Variants in CPT1A observed in about 807,000 individuals in gnomAD.
The protein encoded by CPT1A is carnitine palmitoyltransferase 1A.
CPT1A carries 64 observed loss-of-function variants against 100.8 expected under a neutral mutation model. The ratio of observed to expected loss-of-function variants is 0.63; its 90% CI spans 0.52 to 0.78. CPT1A has a LOEUF of 0.78. CPT1A is among the 30% of genes least tolerant of loss of function. The pLI is 0.00. For synonymous variants in CPT1A, 363 were observed against 396.0 expected (o/e 0.92, Z 0.99); for missense variants, 802 against 1,034.1 (o/e 0.78, Z 3.08).
intron 9 of CPT1A, 118 bp downstream of exon 9, chr11:68,793,197 C>T (rs1486784122): frequency 9.0e-6 from 6 of 669,552 alleles, no homozygotes; most frequent in Admixed American, 2.8e-5. Flanking sequence ...TGTTCACCAG[C>T]CTACAATCTC....
chr11:68,815,278 C>T (rs1856352292), intron 2 of CPT1A, 56 bp downstream of exon 2: 2 of 1,573,458 alleles, frequency 1.3e-6, no homozygotes, highest in African/African-American at 1.3e-5. Flanking sequence ...CAGCCAGAGC[C>T]CCGTTCTTAG....
At chr11:68,813,311 A>G (rs1856272595) in intron 2 of CPT1A, among the ~76,000 whole-genome samples, 1 of 152,052 alleles carries the variant, frequency 6.6e-6, no homozygotes, top group Non-Finnish European at 1.5e-5. Flanking sequence ...CAGGCCGATC[A>G]CTTGAGGTAA....
intron 18 of CPT1A, among the ~76,000 whole-genome samples, chr11:68,757,936 G>A (rs1946723894): frequency 6.6e-6 from 1 of 152,156 alleles, no homozygotes; most frequent in Admixed American, 6.5e-5. Flanking sequence ...GTTTGTGCGG[G>A]TGTGTTGTCG....
At chr11:68,796,813 C>G in intron 7 of CPT1A, 43 bp downstream of exon 7, 2 of 1,596,278 alleles carry the variant, frequency 1.3e-6, no homozygotes, top group South Asian at 1.1e-5. Flanking sequence ...GACCCGCCGC[C>G]CCACCGTCCT....
intron 14 of CPT1A, among the ~76,000 whole-genome samples, chr11:68,765,474 G>A (rs751723626): frequency 7.2e-5 from 11 of 152,106 alleles, no homozygotes; most frequent in African/African-American, 1.7e-4. Context: ...ATGGCCCTTC[G>A]CTGCCACCAA....
At chr11:68,772,337 G>C (rs1210437157) in intron 14 of CPT1A, among the ~76,000 whole-genome samples, 1 of 152,162 alleles carries the variant, frequency 6.6e-6, no homozygotes, top group East Asian at 1.9e-4. Context: ...TGGGTAACAA[G>C]AGTGAGATTC....
rs143062012 is a variant in CPT1A, at chr11:68,761,853, C to T, written c.1876-166G>A. Among the ~76,000 whole-genome samples, 408 of 152,238 alleles carry T rather than the reference C, an allele frequency of 2.7e-3. 3 individuals are homozygous for T. The highest frequency in any genetic ancestry group is 9.2e-3 in the African/African-American group (383 of 41,536). On this transcript the variant is annotated intron_variant, in intron 15 of 18. Coordinates refer to ENST00000265641, the MANE Select transcript of CPT1A (RefSeq NM_001876.4). The stretch of plus-strand genomic sequence containing the variant: ...TTCGAACTCCTGAGCTCAGGCAATC[C>T]GCCCACCTCATCCTCCCAAAGTACT...
At chr11:68,785,776 T>G in intron 9 of CPT1A, 1 of 536,772 alleles carries the variant, frequency 1.9e-6, no homozygotes, top group Non-Finnish European at 3.3e-6. Flanking sequence ...TTAATGACAA[T>G]AGGGCAACTT....
intron 5 of CPT1A, among the ~76,000 whole-genome samples, chr11:68,802,896 C>CAAAAAAA (rs901808584): frequency 1.3e-3 from 56 of 44,780 alleles, no homozygotes; most frequent in East Asian, 3.2e-3. Context: ...GACCCTGTCT[C>CAAAAAAA]AAAAAAAAAA....
chr11:68,833,837 A>G (rs1292752264), intron 1 of CPT1A, among the ~76,000 whole-genome samples: 2 of 152,162 alleles, frequency 1.3e-5, no homozygotes, highest in Non-Finnish European at 2.9e-5. Flanking sequence ...TTTCATGTAC[A>G]AGAAAGGTGA....
Position 68,759,566 on chromosome 11 carries a change from T to C in CPT1A, c.2235+3A>G. The C allele has an allele frequency of 1.3e-6, 2 of 1,595,418 alleles. No individual in the cohort carries two copies. The highest frequency in any genetic ancestry group is 1.7e-6 in the Non-Finnish European group (2 of 1,163,070). On this transcript the variant is annotated splice_donor_region_variant and intron_variant, in intron 18 of 18. Transcript: ENST00000265641. The stretch of plus-strand genomic sequence containing the variant: ...AGAAAAAGGAACTTCTTTTCATACA[T>C]ACCGTCTCAGGGCAAGAGAACTTGG...
intron 1 of CPT1A, among the ~76,000 whole-genome samples, chr11:68,816,058 A>G (rs1210929697): frequency 6.6e-6 from 1 of 152,212 alleles, no homozygotes; most frequent in African/African-American, 2.4e-5. Flanking sequence ...GGCCACACCT[A>G]CTGACGTAAA....
Position 68,761,682 on chromosome 11 carries a change from T to A in CPT1A, c.1881A>T (p.Glu627Asp). Residue 627 changes from glutamate (E) to aspartate (D), a missense_variant, in exon 16 of 19, where the codon GAA becomes GAT. Around this residue, in one of 4 missense-constraint regions of CPT1A, gnomAD observed 627 missense variants for 799.3 expected, o/e 0.78. Transcript: ENST00000265641. Reference protein sequence around the residue: ...RAMVDPAQTVEQRLKLFKLAS... With the variant: ...RAMVDPAQTVDQRLKLFKLAS... ...CCAACTTGAACAACTTCAGCCTCTG[T>A]TCCACCTGAGTGACAAAAGGTGGGA... 1 of 1,614,208 alleles carries A rather than the reference T, an allele frequency of 6.2e-7. No homozygotes were observed. The highest frequency in any genetic ancestry group is 1.7e-5 in the Admixed American group (1 of 60,026).
In CPT1A at chr11:68,757,587, T is replaced by C. The variant is rs1470535704; in HGVS notation, c.*57A>G. 6.2e-7 allele frequency: 1 copy of C among 1,613,496 alleles called. No individual in the cohort carries two copies. The highest frequency in any genetic ancestry group is 2.2e-5 in the East Asian group (1 of 44,874). On this transcript the variant is annotated 3_prime_UTR_variant, in exon 19 of 19. Coordinates refer to ENST00000265641, the MANE Select transcript of CPT1A (RefSeq NM_001876.4). ...AGCTAAGGTCAGGATTAATGCCTAT[T>C]TTTCATTTGGTTTGCATCAGAAGAG...
chr11:68,840,461 TA>T (rs1364978347), intron 1 of CPT1A, among the ~76,000 whole-genome samples: 3 of 152,172 alleles, frequency 2.0e-5, no homozygotes, highest in Admixed American at 6.5e-5. Context: ...TTGCAAAAGG[TA>T]AAACCGATTT....
At chr11:68,838,248 A>G (rs765716935) in intron 1 of CPT1A, among the ~76,000 whole-genome samples, 1 of 151,914 alleles carries the variant, frequency 6.6e-6, no homozygotes, top group Non-Finnish European at 1.5e-5. Flanking sequence ...ACGTTCCTGG[A>G]CCGAAGAACA....
chr11:68,762,526 T>C lies in CPT1A; in HGVS notation c.1875+101A>G, dbSNP rs527509831. On this transcript the variant is annotated intron_variant, in intron 15 of 18. Coordinates refer to ENST00000265641, the MANE Select transcript of CPT1A (RefSeq NM_001876.4). ...AATTGAGCACCCCTAAAGAAGAAGG[T>C]ACAGGAATGATGAGATCAGAGAAGC... 3.4e-4 allele frequency: 501 copies of C among 1,461,998 alleles called. 6 individuals carry two copies. The highest frequency in any genetic ancestry group is 2.2e-3 in the Admixed American group (129 of 59,288). 90.6% of individuals were successfully genotyped at this position (1,461,998 alleles called of 1,614,324 possible). A position where few individuals can be genotyped will look rare whatever the true frequency, so the allele number is the denominator to read the frequency against.
chr11:68,799,389 G>C, intron 5 of CPT1A, 34 bp from the exon 6 acceptor site: 2 of 1,609,218 alleles, frequency 1.2e-6, no homozygotes, highest in Non-Finnish European at 1.7e-6. Context: ...AATCACCCAA[G>C]TTAAAACATA....
At chr11:68,825,002 T>C (rs1253769591) in intron 1 of CPT1A, among the ~76,000 whole-genome samples, 2 of 152,114 alleles carry the variant, frequency 1.3e-5, no homozygotes, top group Admixed American at 1.3e-4. Flanking sequence ...TTACACCGTG[T>C]TGGCCAGGCT....
Sources: gnomAD v4.1 joint callset for allele counts (sites outside exome capture counted in the v4.1 genomes callset) on GRCh38, gnomAD v4.1.1 for gene constraint, gnomAD v4.1.1 regional missense constraint, MANE v1.5 for transcripts, NCBI Gene and HGNC (gene_info 2026-07-23, HGNC 2026-07-21) for gene names.